Variants in TOP3A observed in about 807,000 individuals in gnomAD.
TOP3A encodes DNA topoisomerase III alpha, also known as DNA topoisomerase 3-alpha.
Under a neutral mutation model 111.3 loss-of-function variants are expected in TOP3A, and 64 were observed. The observed-to-expected ratio is 0.57, with a 90% CI of 0.47 to 0.71. The LOEUF is 0.71. TOP3A is among the 30% of genes least tolerant of loss of function. TOP3A has a pLI of 0.00. For synonymous variants in TOP3A, 484 were observed against 485.1 expected (o/e 1.00, Z 0.03); for missense variants, 1,104 against 1,285.0 (o/e 0.86, Z 2.15).
chr17:18,282,112 C>G (rs1475828576), intron 16 of TOP3A, among the ~76,000 whole-genome samples: 1 of 152,180 alleles, frequency 6.6e-6, no homozygotes, highest in Non-Finnish European at 1.5e-5. Context: ...AAATTGCCCA[C>G]TCAGATCTAC....
chr17:18,306,058 C>T (rs551835848), intron 4 of TOP3A, among the ~76,000 whole-genome samples: 5 of 151,926 alleles, frequency 3.3e-5, no homozygotes, highest in South Asian at 4.2e-4. Context: ...ACAAATTAGC[C>T]GGGTGTGGTG....
chr17:18,311,348 T>C (rs7212104), intron 1 of TOP3A, among the ~76,000 whole-genome samples: 109,187 of 151,432 alleles, frequency 0.72, 39,967 homozygotes, highest in African/African-American at 0.86. Flanking sequence ...GGCTGTAATG[T>C]AATGGCGCAA....
At position 18,290,964 on chromosome 17, in the gene TOP3A, C is replaced by T; in HGVS notation, c.1345G>A (p.Ala449Thr). The change falls in exon 12 of 19, where the codon GCT (alanine) becomes ACT (threonine). Residue 449 changes from alanine (A) to threonine (T), a missense_variant. Ala to Thr is a moderately conservative substitution (Grantham distance 58). Transcript: ENST00000321105. Reference sequence around the variant, plus strand: ...TCCACTGTGGTCTCCTGCCCCTGAGCATCCTGGGAGCAGCAAGCCAGGAAA... The same window carrying T: ...TCCACTGTGGTCTCCTGCCCCTGAGTATCCTGGGAGCAGCAAGCCAGGAAA... ...RHFLACCSQD[A>T]QGQETTVEID... 1.2e-6 allele frequency: 2 copies of T among 1,614,250 alleles called. No homozygotes were observed. The highest frequency in any genetic ancestry group is 8.5e-7 in the Non-Finnish European group (1 of 1,180,048).
At chr17:18,308,322 A>T in intron 3 of TOP3A, 29 bp downstream of exon 3, 1 of 1,434,714 alleles carries the variant, frequency 7.0e-7, no homozygotes, top group Non-Finnish European at 9.6e-7. Context: ...CTATAATCTG[A>T]AAGTCCTTCC....
Position 18,302,387 on chromosome 17 carries a change from GA to G in TOP3A, c.690del (p.Pro231LeufsTer42). ...ATGAGCTGCTCTGCCAGCACCTCAG[GA>G]AAAATCCTCTGAAGCCGCAGGGTCT... The part of the protein sequence containing the change: ...RFQTLRLQRI[F>X]PEVLAEQLIS... On this transcript the variant is annotated frameshift_variant, in exon 7 of 19. Coordinates refer to ENST00000321105, the MANE Select transcript of TOP3A (RefSeq NM_004618.5). LOFTEE classifies it high-confidence loss of function. 1 of 1,613,312 alleles carries G rather than the reference GA, an allele frequency of 6.2e-7. No individual in the cohort carries two copies. Among genetic ancestry groups the G allele is most frequent in the Non-Finnish European group, 8.5e-7 (1 of 1,179,978 alleles).
intron 3 of TOP3A, 27 bp from the exon 4 acceptor site, chr17:18,306,993 C>CA: frequency 1.4e-5 from 21 of 1,533,646 alleles, no homozygotes; most frequent in Non-Finnish European, 1.8e-5. Context: ...AACAGAGTCC[C>CA]AACTCAGTAC....
chr17:18,303,480 C>T (rs939579865), intron 5 of TOP3A, among the ~76,000 whole-genome samples: 8 of 152,166 alleles, frequency 5.3e-5, no homozygotes, highest in Non-Finnish European at 1.0e-4. Context: ...AATGGAATGA[C>T]TCGGTGTACA....
chr17:18,275,609 G>T (rs1294611188), intron 18 of TOP3A, among the ~76,000 whole-genome samples: 1 of 151,528 alleles, frequency 6.6e-6, no homozygotes, highest in Non-Finnish European at 1.5e-5. Flanking sequence ...TGATCCGCCC[G>T]CCTTGGCCTC....
At chr17:18,283,660 A>T (rs1979908831) in intron 15 of TOP3A, among the ~76,000 whole-genome samples, 1 of 152,150 alleles carries the variant, frequency 6.6e-6, no homozygotes, top group South Asian at 2.1e-4. Context: ...TCTAACGGTT[A>T]AGGGCTCAGT....
chr17:18,282,945 G>A, intron 15 of TOP3A, 104 bp from the exon 16 acceptor site: 1 of 1,465,956 alleles, frequency 6.8e-7, no homozygotes, highest in South Asian at 1.3e-5. Context: ...AGAACCAGCT[G>A]GTCAGTGAGC....
At chr17:18,305,735 A>C (rs1435214913) in intron 4 of TOP3A, among the ~76,000 whole-genome samples, 5 of 151,836 alleles carry the variant, frequency 3.3e-5, no homozygotes, top group African/African-American at 1.2e-4. Context: ...CTACTCGGGA[A>C]GCTGAGGCAG....
intron 13 of TOP3A, among the ~76,000 whole-genome samples, chr17:18,289,426 C>T (rs865783372): frequency 2.6e-5 from 4 of 152,292 alleles, no homozygotes; most frequent in East Asian, 1.9e-4. Flanking sequence ...AGGTGCCCAC[C>T]GCCATGCCTG....
At chr17:18,292,514 T>A in intron 11 of TOP3A, 131 bp downstream of exon 11, 1 of 887,238 alleles carries the variant, frequency 1.1e-6, no homozygotes, top group Admixed American at 3.3e-5. Context: ...AGGCAGAGGA[T>A]TGTGAAATGA....
In TOP3A at chr17:18,314,875, A is replaced by C; in HGVS notation, c.-97T>G. 1.3e-6 allele frequency: 1 copy of C among 780,964 alleles called. No individual in the cohort carries two copies. Among genetic ancestry groups the C allele is most frequent in the Non-Finnish European group, 1.8e-6 (1 of 540,896 alleles). 48.4% of individuals were successfully genotyped at this position (780,964 alleles called of 1,614,324 possible). Reference sequence around the variant, plus strand: ...ATGGCGCCCACCGAAAGGGAACCAGAGCCTCGCTTCGGTCACGTCCCCACC... The same window carrying C: ...ATGGCGCCCACCGAAAGGGAACCAGCGCCTCGCTTCGGTCACGTCCCCACC... On this transcript the variant is annotated 5_prime_UTR_variant, in exon 1 of 19. Transcript: ENST00000321105.
intron 13 of TOP3A, among the ~76,000 whole-genome samples, chr17:18,289,227 C>CT (rs1980314956): frequency 6.6e-6 from 1 of 152,190 alleles, no homozygotes; most frequent in African/African-American, 2.4e-5. Flanking sequence ...GTTGGCCAGG[C>CT]TGGTCTCGAA....
intron 17 of TOP3A, 129 bp from the exon 18 acceptor site, chr17:18,278,486 C>T (rs1979551325): frequency 2.6e-6 from 2 of 762,518 alleles, no homozygotes; most frequent in East Asian, 2.8e-5. Context: ...CCACACAAGT[C>T]CCCTGTGAGG....
chr17:18,286,910 A>T (rs2142953172), intron 13 of TOP3A, among the ~76,000 whole-genome samples: 1 of 152,222 alleles, frequency 6.6e-6, no homozygotes, highest in Non-Finnish European at 1.5e-5. Flanking sequence ...CAGCCTCCCG[A>T]GTAGCTGGGA....
intron 9 of TOP3A, among the ~76,000 whole-genome samples, chr17:18,295,867 C>T (rs1042566815): frequency 6.7e-6 from 1 of 150,066 alleles, no homozygotes; most frequent in Admixed American, 6.7e-5. Flanking sequence ...CCTGGGTTCA[C>T]GCCAATTCTC....
intron 4 of TOP3A, among the ~76,000 whole-genome samples, chr17:18,305,483 C>T (rs9900485): frequency 1.0e-3 from 84 of 84,368 alleles, no homozygotes; most frequent in African/African-American, 4.3e-3. Flanking sequence ...CTAACACACA[C>T]ACACGCGCGC....
Sources: gnomAD v4.1 joint callset for allele counts (sites outside exome capture counted in the v4.1 genomes callset) on GRCh38, gnomAD v4.1.1 for gene constraint, MANE v1.5 for transcripts, NCBI Gene and HGNC (gene_info 2026-07-23, HGNC 2026-07-21) for gene names.